The following SND1 variants were observed in gnomAD, a reference collection of about 807,000 sequenced individuals.
SND1 encodes the protein staphylococcal nuclease domain-containing protein 1.
A neutral mutation model predicts 121.7 loss-of-function variants in SND1; 38 were observed. That is an observed-to-expected ratio of 0.31 (90% CI 0.24 to 0.41). The LOEUF is 0.41. SND1 is among the 10% of genes least tolerant of loss of function. The pLI is 1.00. For synonymous variants in SND1, 401 were observed against 447.4 expected (o/e 0.90, Z 1.31); for missense variants, 868 against 1,184.6 (o/e 0.73, Z 3.92).
chr7:127,737,681 A>G (rs1264793939), intron 10 of SND1, among the ~76,000 whole-genome samples: 4 of 152,100 alleles, frequency 2.6e-5, no homozygotes, highest in African/African-American at 9.7e-5. Flanking sequence ...AGTGATTCGG[A>G]TTTTGGATTT....
At chr7:128,006,806 G>T (rs554530625) in intron 16 of SND1, among the ~76,000 whole-genome samples, 2 of 152,346 alleles carry the variant, frequency 1.3e-5, no homozygotes, top group South Asian at 4.2e-4. Context: ...ACCTGGAAGA[G>T]AACCCTGCTC....
At chr7:127,792,210 T>C (rs1176252875) in intron 10 of SND1, among the ~76,000 whole-genome samples, 1 of 152,192 alleles carries the variant, frequency 6.6e-6, no homozygotes, top group African/African-American at 2.4e-5. Flanking sequence ...TCCTTTTTTA[T>C]TGGATCTTTT....
rs1215203477 is a variant in SND1, at chr7:127,904,796, C to T, written c.1504C>T (p.His502Tyr). ...GLHSKKEVPI[H>Y]RVADISGDTQ... ...GCATAGCAAGAAGGAAGTGCCTATC[C>T]ACCGTGTTGCAGATATATCTGGGGT... is the stretch of plus-strand genomic sequence containing the variant. Residue 502 changes from histidine (H) to tyrosine (Y), a missense_variant, in exon 14 of 24, where the codon CAC becomes TAC. Physicochemically the swap from His to Tyr is moderately conservative, Grantham distance 83 (BLOSUM62 2). Transcript: ENST00000354725. 2 of 1,610,222 alleles carry T rather than the reference C, an allele frequency of 1.2e-6. No individual in the cohort carries two copies. The highest frequency in any genetic ancestry group is 1.7e-6 in the Non-Finnish European group (2 of 1,176,576).
intron 1 of SND1, 72 bp downstream of exon 1, chr7:127,652,523 C>A: frequency 8.0e-7 from 1 of 1,249,690 alleles, no homozygotes; most frequent in Non-Finnish European, 1.1e-6. Flanking sequence ...CTCCACCTTC[C>A]GCCAGCCTGC....
intron 1 of SND1, among the ~76,000 whole-genome samples, chr7:127,682,482 C>G (rs186213604): frequency 6.6e-6 from 1 of 152,260 alleles, no homozygotes; most frequent in Non-Finnish European, 1.5e-5. Flanking sequence ...TCAGGTAGTT[C>G]TAAGATCATT....
intron 14 of SND1, among the ~76,000 whole-genome samples, chr7:127,915,316 C>G (rs1352080474): frequency 1.3e-5 from 2 of 152,152 alleles, no homozygotes; most frequent in African/African-American, 4.8e-5. Flanking sequence ...GCCTAGCACA[C>G]AGAAAGTCCT....
At chr7:128,024,184 C>T (rs1297254914) in intron 16 of SND1, among the ~76,000 whole-genome samples, 2 of 151,882 alleles carry the variant, frequency 1.3e-5, no homozygotes, top group Non-Finnish European at 2.9e-5. Context: ...TCCTACTGTC[C>T]AAAACATTCT....
chr7:127,778,962 T>C (rs1797670023), intron 10 of SND1, among the ~76,000 whole-genome samples: 1 of 152,204 alleles, frequency 6.6e-6, no homozygotes. Context: ...AATCTTGGCA[T>C]TCATTTTGAG....
intron 1 of SND1, among the ~76,000 whole-genome samples, chr7:127,666,373 G>C (rs1442827074): frequency 1.3e-5 from 2 of 152,190 alleles, no homozygotes; most frequent in Non-Finnish European, 2.9e-5. Context: ...AACAGGAGGA[G>C]CTGAAAGGCA....
At chr7:128,022,104 T>C (rs1378370938) in intron 16 of SND1, among the ~76,000 whole-genome samples, 2 of 149,388 alleles carry the variant, frequency 1.3e-5, no homozygotes, top group East Asian at 2.0e-4. Flanking sequence ...CTCGGGAAGC[T>C]GACGCCAGGA....
At chr7:127,975,983 G>A (rs184889048) in intron 15 of SND1, among the ~76,000 whole-genome samples, 63 of 152,318 alleles carry the variant, frequency 4.1e-4, no homozygotes, top group African/African-American at 1.3e-3. Context: ...TTATACATGA[G>A]AGTTCAGCCC....
Position 127,779,853 on chromosome 7 carries a change from C to G in SND1, c.1153-27631C>G, listed in dbSNP as rs576296435. On this transcript the variant is annotated intron_variant, in intron 10 of 23. Transcript: ENST00000354725. ...CATTTGTGTGCAAGTGTTACCCACT[C>G]TCATTATTCAAGGAGTCGGGACCAT... Among the ~76,000 whole-genome samples the G allele has an allele frequency of 7.2e-5, 11 of 152,332 alleles. 1 individual carries two copies. In the South Asian group the frequency reaches 2.3e-3, roughly 32 times the overall value.
chr7:127,868,164 G>A (rs1201995219), intron 12 of SND1, among the ~76,000 whole-genome samples: 1 of 152,148 alleles, frequency 6.6e-6, no homozygotes, highest in Non-Finnish European at 1.5e-5. Flanking sequence ...GACCAAGGTG[G>A]GTGAATCACT....
chr7:127,978,779 C>G (rs1185409221), intron 15 of SND1, among the ~76,000 whole-genome samples: 1 of 152,104 alleles, frequency 6.6e-6, no homozygotes, highest in Non-Finnish European at 1.5e-5. Context: ...CCTGTACTAT[C>G]AGGTTCAAGC....
At chr7:127,807,994 G>T (rs982033346) in intron 11 of SND1, among the ~76,000 whole-genome samples, 1 of 152,102 alleles carries the variant, frequency 6.6e-6, no homozygotes, top group African/African-American at 2.4e-5. Flanking sequence ...GGGAAGAGGG[G>T]ATGACCTGGA....
At chr7:127,859,222 T>C (rs1409392854) in intron 12 of SND1, among the ~76,000 whole-genome samples, 4 of 152,192 alleles carry the variant, frequency 2.6e-5, no homozygotes, top group Non-Finnish European at 5.9e-5. Flanking sequence ...CAAGTTAGCT[T>C]ATTTATCCTT....
chr7:127,840,210 T>C (rs1226578486), intron 11 of SND1, among the ~76,000 whole-genome samples: 2 of 152,212 alleles, frequency 1.3e-5, no homozygotes, highest in Admixed American at 6.5e-5. Flanking sequence ...AAGAAAACAG[T>C]ATATAGTACC....
At chr7:127,911,284 G>T (rs1426933507) in intron 14 of SND1, among the ~76,000 whole-genome samples, 1 of 152,144 alleles carries the variant, frequency 6.6e-6, no homozygotes, top group Non-Finnish European at 1.5e-5. Flanking sequence ...ATGCCAAAGT[G>T]GCAGCCACCT....
At chr7:127,828,066 G>A (rs1033671567) in intron 11 of SND1, among the ~76,000 whole-genome samples, 4 of 151,922 alleles carry the variant, frequency 2.6e-5, no homozygotes, top group African/African-American at 9.7e-5. Context: ...GCATGTTCTC[G>A]GCTCACTGAA....
Sources: allele counts gnomAD v4.1 joint callset (sites outside exome capture counted in the v4.1 genomes callset), GRCh38; gene constraint gnomAD v4.1.1; transcripts MANE v1.5; gene names NCBI Gene and HGNC (gene_info 2026-07-23, HGNC 2026-07-21).